Variants in SUV39H2 observed in about 807,000 individuals in gnomAD.
The protein encoded by SUV39H2 is SUV39H2 histone lysine methyltransferase.
Under a neutral mutation model 47.5 loss-of-function variants are expected in SUV39H2, and 10 were observed. The observed-to-expected ratio is 0.21, with a 90% CI of 0.13 to 0.36. The LOEUF (loss-of-function observed/expected upper bound fraction) is 0.36, where lower values mean the gene tolerates loss of function less well. Among genes scored for constraint, SUV39H2 ranks in the 10% least tolerant of loss-of-function variants. SUV39H2 has a pLI of 1.00. For synonymous variants in SUV39H2, 159 were observed against 166.8 expected, an observed-to-expected ratio of 0.95 and a Z score of 0.36; for missense variants, 266 against 487.4, an observed-to-expected ratio of 0.55 and a Z score of 4.28.
rs756757118 is a variant in SUV39H2 at position 14,897,077 on chromosome 10, C to T, written c.409C>T (p.Leu137=). The change falls in exon 3 of 6, where the codon CTG becomes TTG. Residue 137 remains leucine, a synonymous_variant. Coordinates refer to ENST00000354919, the MANE Select transcript of SUV39H2 (RefSeq NM_001193424.2). The part of the protein sequence containing the change: ...IVKKAKQRIA[L]QRWQDELNRR... ...GAAGAAGGCTAAACAAAGGATAGCT[C>T]TGCAGAGATGGCAAGATGAACTCAA... The T allele has an allele frequency of 6.2e-7, 1 of 1,613,990 alleles. No individual in the cohort carries two copies. Among genetic ancestry groups the T allele is most frequent in the Non-Finnish European group, 8.5e-7 (1 of 1,179,984 alleles).
intron 2 of SUV39H2, among the ~76,000 whole-genome samples, chr10:14,896,152 A>C (rs977427271): frequency 6.6e-6 from 1 of 152,122 alleles, no homozygotes; most frequent in Non-Finnish European, 1.5e-5. Flanking sequence ...CATGTTGCCC[A>C]GGCTGGTCTC....
chr10:14,904,283 T>C lies in SUV39H2; in HGVS notation c.*1771T>C, dbSNP rs1386023879. On this transcript the variant is annotated 3_prime_UTR_variant, in exon 6 of 6. Transcript: ENST00000354919. ...TCATACCACTGCACTGCAGCCTGAG[T>C]GACACAGTAAGACTGTCTCCAAAAA... 6.8e-6 allele frequency: 1 copy of C among 146,298 alleles called. No individual in the cohort carries two copies. The highest frequency in any genetic ancestry group is 2.0e-4 in the East Asian group (1 of 5,004). The allele number at this position is 146,298 out of a possible 1,614,324, so 9.1% of individuals were successfully genotyped here. A position where few individuals can be genotyped will look rare whatever the true frequency, so the allele number is the denominator to read the frequency against.
chr10:14,893,691 A>G (rs1833469424), intron 2 of SUV39H2, among the ~76,000 whole-genome samples: 1 of 152,228 alleles, frequency 6.6e-6, no homozygotes, highest in African/African-American at 2.4e-5. Flanking sequence ...ACAAAATCTT[A>G]CTAATATTTC....
At position 14,878,894 on chromosome 10, in the gene SUV39H2, G is replaced by A. The variant is rs1332656008; in HGVS notation, c.6G>A (p.Ala2=). ...TTGAATGAAAGCTCTACAAGATGGC[G>A]GCGGTCGGGGCCGAGGCGCGAGGAG... The part of the protein sequence containing the change: M[A]AVGAEARGAW... The change falls in exon 1 of 6, where the codon GCG becomes GCA. Residue 2 remains alanine (A), a synonymous_variant. Transcript: ENST00000354919. 2 of 1,484,516 alleles carry A rather than the reference G, an allele frequency of 1.3e-6. No homozygotes were observed. The highest frequency in any genetic ancestry group is 1.8e-6 in the Non-Finnish European group (2 of 1,116,062). The allele number at this position is 1,484,516 out of a possible 1,614,324, so 92.0% of individuals were successfully genotyped here.
intron 2 of SUV39H2, among the ~76,000 whole-genome samples, chr10:14,889,001 G>A (rs1407497410): frequency 6.6e-6 from 1 of 152,062 alleles, no homozygotes; most frequent in African/African-American, 2.4e-5. Flanking sequence ...TACTTGAGAG[G>A]CTGAGGCAGG....
intron 2 of SUV39H2, among the ~76,000 whole-genome samples, chr10:14,888,523 CT>C (rs1443838683): frequency 1.3e-5 from 2 of 152,014 alleles, no homozygotes; most frequent in Admixed American, 6.6e-5. Context: ...ATAATCCCAG[CT>C]GCTTGGGAAG....
intron 5 of SUV39H2, 65 bp from the exon 6 acceptor site, chr10:14,902,341 A>C (rs185630985): frequency 8.6e-7 from 1 of 1,166,380 alleles, no homozygotes; most frequent in Non-Finnish European, 1.2e-6. Flanking sequence ...ATAATAGAAA[A>C]TTTGAAATTT....
chr10:14,890,808 T>G (rs1833363948), intron 2 of SUV39H2, among the ~76,000 whole-genome samples: 1 of 152,264 alleles, frequency 6.6e-6, no homozygotes. Flanking sequence ...TGCTGCCACT[T>G]GTTGGCTATA....
intron 1 of SUV39H2, 131 bp from the exon 2 acceptor site, chr10:14,881,369 G>T: frequency 1.4e-6 from 1 of 711,232 alleles, no homozygotes. Context: ...CATGTAACTG[G>T]TTTCTTGTCA....
At chr10:14,892,263 A>G (rs1485563630) in intron 2 of SUV39H2, among the ~76,000 whole-genome samples, 1 of 152,226 alleles carries the variant, frequency 6.6e-6, no homozygotes, top group Non-Finnish European at 1.5e-5. Context: ...AGATGGAGTT[A>G]AATGTACTTC....
intron 1 of SUV39H2, chr10:14,879,198 C>T (rs1832965413): frequency 1.9e-6 from 2 of 1,064,738 alleles, no homozygotes; most frequent in African/African-American, 1.7e-5. Context: ...GCCCGGCCCC[C>T]TCCGCGTCTC....
intron 5 of SUV39H2, among the ~76,000 whole-genome samples, chr10:14,901,749 T>G (rs1834035561): frequency 6.6e-6 from 1 of 151,924 alleles, no homozygotes; most frequent in Non-Finnish European, 1.5e-5. Flanking sequence ...GAGGATGGCT[T>G]GAGACAGGGA....
intron 2 of SUV39H2, among the ~76,000 whole-genome samples, chr10:14,885,605 A>G (rs560640403): frequency 3.9e-4 from 59 of 152,184 alleles, no homozygotes; most frequent in Non-Finnish European, 6.6e-4. Flanking sequence ...CTTTCTCATC[A>G]GTTCATCCCT....
intron 1 of SUV39H2, among the ~76,000 whole-genome samples, chr10:14,880,714 T>C (rs1305748963): frequency 6.6e-6 from 1 of 152,230 alleles, no homozygotes; most frequent in Non-Finnish European, 1.5e-5. Context: ...GCAATTAGTT[T>C]CTGGTTTCTG....
intron 2 of SUV39H2, among the ~76,000 whole-genome samples, chr10:14,886,844 C>G (rs1833226146): frequency 6.6e-6 from 1 of 152,232 alleles, no homozygotes; most frequent in Non-Finnish European, 1.5e-5. Context: ...GTTAGAAGAT[C>G]TGTGGGAGGT....
Position 14,890,070 on chromosome 10 carries a change from A to G in SUV39H2, c.178-6776A>G, listed in dbSNP as rs74711098. On this transcript the variant is annotated intron_variant, in intron 2 of 5. Transcript: ENST00000354919. ...CTTTTGTGTTTCGAGAACCACCTCTATATGGCGTGGCACAAATTAATGATA... is the reference window on the plus strand; with the variant it reads ...CTTTTGTGTTTCGAGAACCACCTCTGTATGGCGTGGCACAAATTAATGATA... Among the ~76,000 whole-genome samples, 610 of 152,332 alleles carry G rather than the reference A, an allele frequency of 4.0e-3. 1 individual carries two copies. The highest frequency in any genetic ancestry group is 0.021 in the Middle Eastern group (6 of 292).
chr10:14,901,462 A>ATGGT (rs1834002734), intron 5 of SUV39H2, among the ~76,000 whole-genome samples, 200 bp downstream of exon 5: 1 of 152,188 alleles, frequency 6.6e-6, no homozygotes, highest in African/African-American at 2.4e-5. Context: ...CAGCTGAGGA[A>ATGGT]TGGTTCTACA....
intron 1 of SUV39H2, chr10:14,879,832 G>A (rs1186026073): frequency 6.6e-6 from 1 of 152,000 alleles, no homozygotes; most frequent in African/African-American, 2.4e-5. Flanking sequence ...ATTTAATTTT[G>A]TCAGTGAAAT....
At chr10:14,883,248 G>C (rs1342676313) in intron 2 of SUV39H2, among the ~76,000 whole-genome samples, 1 of 152,078 alleles carries the variant, frequency 6.6e-6, no homozygotes, top group Non-Finnish European at 1.5e-5. Context: ...AACACATTCA[G>C]ATCTTCCCTA....
Sources: gnomAD v4.1 joint callset for allele counts (sites outside exome capture counted in the v4.1 genomes callset) on GRCh38, gnomAD v4.1.1 for gene constraint, MANE v1.5 for transcripts, NCBI Gene and HGNC (gene_info 2026-07-23, HGNC 2026-07-21) for gene names.